Variants in C1orf21 observed in about 807,000 individuals in gnomAD.
The protein encoded by C1orf21 is chromosome 1 open reading frame 21.
A neutral mutation model predicts 18.7 loss-of-function variants in C1orf21; 3 were observed. The observed-to-expected ratio is 0.16, with a 90% CI of 0.07 to 0.42. The LOEUF is 0.42. Ranked by LOEUF, C1orf21 falls within the 10% of genes least tolerant of loss-of-function variation. The pLI, the probability that C1orf21 is intolerant of heterozygous loss-of-function variation, is 0.99. For synonymous variants in C1orf21, 41 were observed against 46.4 expected (o/e 0.88, Z 0.47); for missense variants, 104 against 143.6 (o/e 0.72, Z 1.41).
intron 3 of C1orf21, among the ~76,000 whole-genome samples, chr1:184,508,910 A>T (rs1213520365): frequency 6.6e-6 from 1 of 152,214 alleles, no homozygotes; most frequent in Non-Finnish European, 1.5e-5. Context: ...CATACTGCCT[A>T]CATGGTGTTT....
chr1:184,523,842 T>C (rs1011733376), intron 3 of C1orf21, among the ~76,000 whole-genome samples: 1 of 152,194 alleles, frequency 6.6e-6, no homozygotes, highest in African/African-American at 2.4e-5. Flanking sequence ...AACAGTGTTC[T>C]ATAATACTTT....
intron 1 of C1orf21, among the ~76,000 whole-genome samples, chr1:184,406,879 C>T (rs762112873): frequency 2.0e-5 from 3 of 152,176 alleles, no homozygotes; most frequent in Non-Finnish European, 2.9e-5. Flanking sequence ...ACAGCAGCCT[C>T]AACTTCTGGG....
At chr1:184,431,953 C>CA (rs1656772741) in intron 1 of C1orf21, among the ~76,000 whole-genome samples, 1 of 152,194 alleles carries the variant, frequency 6.6e-6, no homozygotes, top group African/African-American at 2.4e-5. Context: ...TAGAGAAATG[C>CA]AAATCAAAAC....
intron 5 of C1orf21, among the ~76,000 whole-genome samples, chr1:184,615,519 T>C (rs1290469341): frequency 1.3e-5 from 2 of 152,198 alleles, no homozygotes; most frequent in Non-Finnish European, 2.9e-5. Flanking sequence ...AGACTTCCAT[T>C]TGGGGTTCCT....
intron 5 of C1orf21, among the ~76,000 whole-genome samples, chr1:184,598,769 T>A (rs893697984): frequency 3.3e-5 from 5 of 152,158 alleles, no homozygotes; most frequent in Admixed American, 3.3e-4. Context: ...TTGCACCCAG[T>A]ACCCTGCACT....
chr1:184,541,093 A>T (rs1289760363), intron 3 of C1orf21, among the ~76,000 whole-genome samples: 1 of 152,164 alleles, frequency 6.6e-6, no homozygotes, highest in Admixed American at 6.5e-5. Flanking sequence ...AAATGTACTA[A>T]ACCCCACATA....
At chr1:184,498,865 T>G (rs1410536860) in intron 2 of C1orf21, among the ~76,000 whole-genome samples, 1 of 152,228 alleles carries the variant, frequency 6.6e-6, no homozygotes, top group East Asian at 1.9e-4. Flanking sequence ...AATAAGAGCA[T>G]GGGCTCTGAA....
rs915540313 is a variant in C1orf21, at chr1:184,425,879, C to T, written c.-125+38511C>T. 3.9e-5 allele frequency among the ~76,000 whole-genome samples: 6 copies of T among 152,318 alleles called. No individual in the cohort carries two copies. In the South Asian group the frequency reaches 6.2e-4, roughly 16 times the overall value. The stretch of plus-strand genomic sequence containing the variant: ...TTAGTATTTGTTATGTCCACACTTC[C>T]GCCACTAGAAGAGAGTTCCTTGAGA... On this transcript the variant is annotated intron_variant, in intron 1 of 5. Coordinates refer to ENST00000235307, the MANE Select transcript of C1orf21 (RefSeq NM_030806.4).
At chr1:184,586,346 A>T (rs911851355) in intron 3 of C1orf21, among the ~76,000 whole-genome samples, 1 of 144,394 alleles carries the variant, frequency 6.9e-6, no homozygotes. Flanking sequence ...GCAGTGGTGC[A>T]ATCTCGGCTC....
chr1:184,424,149 T>C (rs1656593460), intron 1 of C1orf21, among the ~76,000 whole-genome samples: 1 of 152,176 alleles, frequency 6.6e-6, no homozygotes, highest in Admixed American at 6.5e-5. Flanking sequence ...TGACATTCTC[T>C]TTTTTTGTGA....
rs575207089 is a variant in C1orf21 at position 184,591,149 on chromosome 1, G to A, written c.266+334G>A. 4.6e-5 allele frequency among the ~76,000 whole-genome samples: 7 copies of A among 152,252 alleles called. No homozygotes were observed. The East Asian group carries it at 9.7e-4, about 21-fold the overall frequency. On this transcript the variant is annotated intron_variant, in intron 4 of 5. Coordinates refer to ENST00000235307, the MANE Select transcript of C1orf21 (RefSeq NM_030806.4). ...TGTTATCTATCTGCAGGGAGGTCAT[G>A]GAACCAATCCCCCACAGATACCAAG...
chr1:184,538,197 A>G (rs1049987675), intron 3 of C1orf21, among the ~76,000 whole-genome samples: 1 of 152,154 alleles, frequency 6.6e-6, no homozygotes, highest in African/African-American at 2.4e-5. Flanking sequence ...GTTTCAAATT[A>G]TATCTCCCTG....
chr1:184,612,660 A>C (rs1397597005), intron 5 of C1orf21, among the ~76,000 whole-genome samples: 2 of 152,050 alleles, frequency 1.3e-5, no homozygotes, highest in Admixed American at 1.3e-4. Context: ...CAGCCTGGGC[A>C]ACAGAGCCAG....
intron 3 of C1orf21, among the ~76,000 whole-genome samples, chr1:184,532,336 T>C (rs1658475544): frequency 6.6e-6 from 1 of 152,208 alleles, no homozygotes; most frequent in Non-Finnish European, 1.5e-5. Flanking sequence ...ACCTAGCAAG[T>C]TTCCTGTCAC....
At chr1:184,474,951 G>A (rs902779716) in intron 1 of C1orf21, among the ~76,000 whole-genome samples, 1 of 152,116 alleles carries the variant, frequency 6.6e-6, no homozygotes, top group South Asian at 2.1e-4. Context: ...TGCTGGCTGG[G>A]AATCCAAAAC....
chr1:184,576,640 A>G (rs536826895), intron 3 of C1orf21, among the ~76,000 whole-genome samples: 1 of 152,186 alleles, frequency 6.6e-6, no homozygotes, highest in Non-Finnish European at 1.5e-5. Context: ...TTGTGTAGTC[A>G]CAGTCTATGG....
intron 1 of C1orf21, among the ~76,000 whole-genome samples, chr1:184,402,588 G>A (rs1471856284): frequency 3.4e-5 from 5 of 148,916 alleles, no homozygotes. Context: ...CTGCACTCCA[G>A]CCTGGGTGAC....
intron 1 of C1orf21, among the ~76,000 whole-genome samples, chr1:184,450,863 T>C (rs1398170702): frequency 1.3e-5 from 2 of 152,084 alleles, no homozygotes; most frequent in Non-Finnish European, 2.9e-5. Flanking sequence ...GTATAAAAAT[T>C]GTGTGTTTTT....
intron 1 of C1orf21, among the ~76,000 whole-genome samples, chr1:184,470,610 G>A (rs934204567): frequency 1.3e-5 from 2 of 152,150 alleles, no homozygotes; most frequent in African/African-American, 2.4e-5. Flanking sequence ...CAGGTGTGGC[G>A]GCTCACGCCT....
Sources: gnomAD v4.1 joint callset for allele counts (sites outside exome capture counted in the v4.1 genomes callset) on GRCh38, gnomAD v4.1.1 for gene constraint, MANE v1.5 for transcripts, NCBI Gene and HGNC (gene_info 2026-07-23, HGNC 2026-07-21) for gene names.